The following ISM2 variants were observed in gnomAD, a reference collection of about 807,000 sequenced individuals.
ISM2 encodes the protein isthmin-2.
Under a neutral mutation model 58.0 loss-of-function variants are expected in ISM2, and 50 were observed. That is an observed-to-expected ratio of 0.86 (90% CI 0.69 to 1.09). The LOEUF (loss-of-function observed/expected upper bound fraction) is 1.09, where lower values mean the gene tolerates loss of function less well. Among genes scored for constraint, ISM2 ranks in the 50% least tolerant of loss-of-function variants. ISM2 has a pLI of 0.00. For synonymous variants in ISM2, 303 were observed against 312.4 expected (o/e 0.97, Z 0.32); for missense variants, 723 against 745.0 (o/e 0.97, Z 0.34).
At chr14:77,486,448 C>G (rs1457455359) in intron 1 of ISM2, among the ~76,000 whole-genome samples, 1 of 152,212 alleles carries the variant, frequency 6.6e-6, no homozygotes, top group Non-Finnish European at 1.5e-5. Context: ...TCAAAGCCCT[C>G]TAGTCTAGAC....
intron 4 of ISM2, among the ~76,000 whole-genome samples, chr14:77,479,175 C>A (rs1426844256): frequency 6.6e-6 from 1 of 151,598 alleles, no homozygotes; most frequent in Non-Finnish European, 1.5e-5. Context: ...CAAGCAATCC[C>A]CCCACCTCAG....
intron 4 of ISM2, among the ~76,000 whole-genome samples, 154 bp from the exon 5 acceptor site, chr14:77,478,869 T>C (rs2079114924): frequency 6.6e-6 from 1 of 152,210 alleles, no homozygotes; most frequent in African/African-American, 2.4e-5. Flanking sequence ...AGCTTCCACC[T>C]GCTCCCTCAA....
intron 1 of ISM2, among the ~76,000 whole-genome samples, chr14:77,495,002 G>C (rs1282298395): frequency 6.6e-6 from 1 of 152,066 alleles, no homozygotes; most frequent in African/African-American, 2.4e-5. Flanking sequence ...TCCCACCTCA[G>C]CCTCCAGAGT....
rs2079256618 is a variant in ISM2, at chr14:77,497,788, AAG to A, written c.141+863_141+864del. Reference sequence around the variant, plus strand: ...GAGGGAGGGAAGGAAGGAAGGAAGGAAGGAAGGAAGGAAGGAAGGAAGGAAGG... The same window carrying A: ...GAGGGAGGGAAGGAAGGAAGGAAGGAGAAGGAAGGAAGGAAGGAAGGAAGG... On this transcript the variant is annotated intron_variant, in intron 1 of 6. Coordinates refer to ENST00000342219, the MANE Select transcript of ISM2 (RefSeq NM_199296.3). 7.9e-4 allele frequency among the ~76,000 whole-genome samples: 104 copies of A among 132,424 alleles called. 4 individuals carry two copies. The highest frequency in any genetic ancestry group is 3.5e-3 in the Middle Eastern group (1 of 286). The allele number at this position is 132,424 out of a possible 152,430, so 86.9% of individuals were successfully genotyped here. A position where few individuals can be genotyped will look rare whatever the true frequency, so the allele number is the denominator to read the frequency against.
chr14:77,488,162 GTGGGATACTGTGCTGAGCA>G (rs765528456), intron 1 of ISM2, among the ~76,000 whole-genome samples: 3 of 152,216 alleles, frequency 2.0e-5, no homozygotes, highest in Non-Finnish European at 4.4e-5. Context: ...TTTGTTCACT[GTGGGATACTGTGCTGAGCA>G]CAGTGCCTGA....
chr14:77,477,112 C>T (rs1348823552), intron 6 of ISM2, among the ~76,000 whole-genome samples: 2 of 152,144 alleles, frequency 1.3e-5, no homozygotes, highest in Admixed American at 6.6e-5. Context: ...AGGTGCCCCC[C>T]AGACTCACCA....
chr14:77,488,433 A>G (rs1300145743), intron 1 of ISM2, among the ~76,000 whole-genome samples: 1 of 152,018 alleles, frequency 6.6e-6, no homozygotes, highest in Non-Finnish European at 1.5e-5. Context: ...GGTGACAGTA[A>G]CCCCTTGTGG....
Position 77,478,699 on chromosome 14 carries a change from C to T in ISM2, c.990G>A (p.Lys330=), listed in dbSNP as rs1483463695. Residue 330 remains lysine, a synonymous_variant, in exon 5 of 7, where the codon AAG becomes AAA. Transcript: ENST00000342219. ...TGCAGGGAGACCAGGGACTCCACTC[C>T]TTCTGAGGCTCATAGTCTGGGTTAA... The part of the protein sequence containing the change: ...DSVSYDYEPQ[K]EWSPWSPCSG... 4 of 1,612,686 alleles carry T rather than the reference C, an allele frequency of 2.5e-6. No individual in the cohort carries two copies. The East Asian group carries it at 8.9e-5, about 36-fold the overall frequency.
At chr14:77,487,242 CTTAA>C (rs2079173502) in intron 1 of ISM2, among the ~76,000 whole-genome samples, 1 of 101,430 alleles carries the variant, frequency 9.9e-6, no homozygotes, top group Non-Finnish European at 2.0e-5. Flanking sequence ...GAGAATCCAT[CTTAA>C]ATAAATAAAT....
At chr14:77,478,193 G>A in intron 6 of ISM2, 49 bp downstream of exon 6, 1 of 1,494,420 alleles carries the variant, frequency 6.7e-7, no homozygotes, top group East Asian at 2.3e-5. Context: ...ACCCTCCCCT[G>A]AGAGCTCGTT....
At chr14:77,489,255 C>A (rs762405657) in intron 1 of ISM2, among the ~76,000 whole-genome samples, 19 of 152,316 alleles carry the variant, frequency 1.2e-4, no homozygotes, top group Middle Eastern at 6.8e-3. Flanking sequence ...TAAATTCAGT[C>A]ACCAAGTGCA....
intron 3 of ISM2, chr14:77,482,895 G>A (rs565528299): frequency 2.6e-5 from 12 of 460,230 alleles, no homozygotes; most frequent in South Asian, 1.0e-4. Context: ...CTCCTAATTC[G>A]CAGATGCCAG....
chr14:77,495,059 A>G (rs1182308705), intron 1 of ISM2, among the ~76,000 whole-genome samples: 1 of 151,384 alleles, frequency 6.6e-6, no homozygotes, highest in African/African-American at 2.4e-5. Context: ...TAATTTTTGT[A>G]TTTTTTGGGG....
At chr14:77,494,465 C>T (rs1366728937) in intron 1 of ISM2, among the ~76,000 whole-genome samples, 5 of 151,956 alleles carry the variant, frequency 3.3e-5, no homozygotes, top group African/African-American at 7.3e-5. Flanking sequence ...GGCACAATCT[C>T]GGCTCACTAT....
At chr14:77,481,529 T>G (rs545328543) in intron 4 of ISM2, among the ~76,000 whole-genome samples, 16 of 152,266 alleles carry the variant, frequency 1.1e-4, no homozygotes, top group African/African-American at 3.8e-4. Flanking sequence ...GCCAACTCCA[T>G]GTAGTAAAGA....
At chr14:77,477,345 G>A (rs1268242597) in intron 6 of ISM2, among the ~76,000 whole-genome samples, 1 of 152,138 alleles carries the variant, frequency 6.6e-6, no homozygotes, top group Non-Finnish European at 1.5e-5. Flanking sequence ...CGGACACTGG[G>A]GGACTGACTT....
In ISM2 at chr14:77,491,689, GTCT is replaced by G. The variant is rs1292210572; in HGVS notation, c.142-6773_142-6771del. 2.3e-3 allele frequency among the ~76,000 whole-genome samples: 322 copies of G among 137,326 alleles called. 2 individuals are homozygous for G. Among genetic ancestry groups the G allele is most frequent in the African/African-American group, 8.1e-3 (302 of 37,116 alleles). The allele number at this position is 137,326 out of a possible 152,430, so 90.1% of individuals were successfully genotyped here. ...TTACAGGCATGGGCCACCGCGTCTG[GTCT>G]TTTTTTTTTTTTTTTTTTTTTTGAG... On this transcript the variant is annotated intron_variant, in intron 1 of 6. Coordinates refer to ENST00000342219, the MANE Select transcript of ISM2 (RefSeq NM_199296.3).
At chr14:77,480,364 G>A (rs576272311) in intron 4 of ISM2, among the ~76,000 whole-genome samples, 1 of 151,938 alleles carries the variant, frequency 6.6e-6, no homozygotes, top group South Asian at 2.1e-4. Context: ...TGATCTGAGG[G>A]AGCTGAAATA....
chr14:77,497,860 G>A (rs1406634689), intron 1 of ISM2, among the ~76,000 whole-genome samples: 2 of 151,548 alleles, frequency 1.3e-5, no homozygotes, highest in Non-Finnish European at 2.9e-5. Flanking sequence ...AGAGCTATTC[G>A]GGCCTCCTAC....
Sources: gnomAD v4.1 joint callset for allele counts (sites outside exome capture counted in the v4.1 genomes callset) on GRCh38, gnomAD v4.1.1 for gene constraint, MANE v1.5 for transcripts, NCBI Gene and HGNC (gene_info 2026-07-23, HGNC 2026-07-21) for gene names.